OSBPL9: variants seen among roughly 807,000 people sequenced by gnomAD.
OSBPL9 encodes the protein oxysterol-binding protein-related protein 9.
OSBPL9 carries 40 observed loss-of-function variants against 106.6 expected under a neutral mutation model. The observed-to-expected ratio is 0.38, with a 90% CI of 0.29 to 0.49. OSBPL9 has a LOEUF of 0.49. Ranked by LOEUF, OSBPL9 falls within the 20% of genes least tolerant of loss-of-function variation. OSBPL9 has a pLI of 0.97. For synonymous variants in OSBPL9, 269 were observed against 295.4 expected, an observed-to-expected ratio of 0.91 and a Z score of 0.92; for missense variants, 609 against 887.2, an observed-to-expected ratio of 0.69 and a Z score of 3.98.
At chr1:51,695,753 A>T (rs1195501693) in intron 3 of OSBPL9, among the ~76,000 whole-genome samples, 1 of 152,234 alleles carries the variant, frequency 6.6e-6, no homozygotes, top group African/African-American at 2.4e-5. Context: ...CTAGAAAATA[A>T]GGATAATAAT....
Position 51,765,664 on chromosome 1 carries a change from G to T in OSBPL9, c.779-158G>T, listed in dbSNP as rs1043795756. 3.4e-5 allele frequency: 19 copies of T among 558,514 alleles called. No individual in the cohort carries two copies. The Admixed American group carries it at 6.9e-4, about 20-fold the overall frequency. 34.6% of individuals were successfully genotyped at this position (558,514 alleles called of 1,614,324 possible). A position where few individuals can be genotyped will look rare whatever the true frequency, so the allele number is the denominator to read the frequency against. ...TATATCATGATTTGCCATTTTCTGT[G>T]TGGAGTTTAAATGTTGATTTTCTTT... On this transcript the variant is annotated intron_variant, in intron 11 of 23. Transcript: ENST00000428468.
chr1:51,655,914 G>T (rs932628149), intron 2 of OSBPL9, among the ~76,000 whole-genome samples: 1 of 152,192 alleles, frequency 6.6e-6, no homozygotes, highest in Non-Finnish European at 1.5e-5. Context: ...GTGCACACAC[G>T]TGCATTTTAC....
In OSBPL9 at chr1:51,661,746, C is replaced by T. The variant is rs75408755; in HGVS notation, c.163-7688C>T. Among the ~76,000 whole-genome samples the T allele has an allele frequency of 4.8e-3, 731 of 152,196 alleles. 11 individuals are homozygous for T. Among genetic ancestry groups the T allele is most frequent in the Admixed American group, 0.026 (391 of 15,294 alleles). On this transcript the variant is annotated intron_variant, in intron 2 of 23. Transcript: ENST00000428468. ...GAACACCATTTCATATATAGATTAT[C>T]AAAGGGAGTTTTGCTTTACCAGATA...
intron 4 of OSBPL9, among the ~76,000 whole-genome samples, chr1:51,718,117 C>A (rs1661403603): frequency 6.6e-6 from 1 of 152,202 alleles, no homozygotes; most frequent in South Asian, 2.1e-4. Flanking sequence ...GCACAAACTT[C>A]ACATGTTCTC....
In OSBPL9 at chr1:51,729,808, G is replaced by C. The variant is rs549618477; in HGVS notation, c.319-15728G>C. The C allele has an allele frequency of 8.6e-5, 107 of 1,237,566 alleles. No individual in the cohort carries two copies. Among genetic ancestry groups the C allele is most frequent in the Non-Finnish European group, 9.1e-5 (89 of 983,338 alleles). 76.7% of individuals were successfully genotyped at this position (1,237,566 alleles called of 1,614,324 possible). A position where few individuals can be genotyped will look rare whatever the true frequency, so the allele number is the denominator to read the frequency against. On this transcript the variant is annotated intron_variant, in intron 4 of 23. Coordinates refer to ENST00000428468, the MANE Select transcript of OSBPL9 (RefSeq NM_024586.6). The surrounding 1 kb of genome is among the most constrained non-coding windows in gnomAD (Gnocchi z 5.1). The stretch of plus-strand genomic sequence containing the variant: ...GCCGGGGAGGGGACGGGAAAGGGGT[G>C]GGGGGTGAAGGGGGTGAAGGGGGTG...
chr1:51,568,753 G>A, the OSBPL9 span, among the ~76,000 whole-genome samples: 5 of 151,888 alleles, frequency 3.3e-5, no homozygotes, highest in African/African-American at 1.2e-4. Flanking sequence ...TTCTCGAGAC[G>A]GAGTCTTGCT....
chr1:51,648,127 T>G (rs1646285904), intron 1 of OSBPL9, among the ~76,000 whole-genome samples: 1 of 152,176 alleles, frequency 6.6e-6, no homozygotes, highest in African/African-American at 2.4e-5. Context: ...AAAAGGACAT[T>G]TGTTAGCAGG....
chr1:51,704,062 A>G (rs1657897887), intron 3 of OSBPL9, among the ~76,000 whole-genome samples: 1 of 152,214 alleles, frequency 6.6e-6, no homozygotes, highest in South Asian at 2.1e-4. Flanking sequence ...GGATTTTTGC[A>G]TGGATGTTCA....
Position 51,653,095 on chromosome 1 carries a change from G to A in OSBPL9, c.162+1054G>A, listed in dbSNP as rs190513329. Among the ~76,000 whole-genome samples the A allele has an allele frequency of 1.3e-3, 202 of 152,262 alleles. 1 individual carries two copies. Among genetic ancestry groups the A allele is most frequent in the African/African-American group, 4.4e-3 (181 of 41,550 alleles). ...AATCCTGGCACTGAGATAGGAGTAGGTATGGGAGATTTGCAGGATGGAAAT... is the reference window on the plus strand; with the variant it reads ...AATCCTGGCACTGAGATAGGAGTAGATATGGGAGATTTGCAGGATGGAAAT... On this transcript the variant is annotated intron_variant, in intron 2 of 23. Transcript: ENST00000428468.
chr1:51,749,073 G>A (rs1020837518), intron 7 of OSBPL9, among the ~76,000 whole-genome samples: 3 of 150,412 alleles, frequency 2.0e-5, no homozygotes, highest in Non-Finnish European at 3.0e-5. Context: ...CAACAAGAGC[G>A]AAACTGTGTC....
At chr1:51,757,883 G>T (rs750603025) in intron 9 of OSBPL9, among the ~76,000 whole-genome samples, 4 of 152,090 alleles carry the variant, frequency 2.6e-5, no homozygotes, top group Non-Finnish European at 5.9e-5. Flanking sequence ...CAGAACAAGC[G>T]CATAGTATTC....
intron 2 of OSBPL9, among the ~76,000 whole-genome samples, chr1:51,666,820 T>C (rs1187135996): frequency 6.6e-6 from 1 of 152,196 alleles, no homozygotes; most frequent in Non-Finnish European, 1.5e-5. Context: ...ACTTTATCTG[T>C]TAGTTCATAG....
At chr1:51,704,905 A>G (rs1234578931) in intron 3 of OSBPL9, among the ~76,000 whole-genome samples, 1 of 152,204 alleles carries the variant, frequency 6.6e-6, no homozygotes, top group African/African-American at 2.4e-5. Flanking sequence ...AATATATGCA[A>G]AAAGATATAT....
chr1:51,693,318 G>A (rs1368353831), intron 3 of OSBPL9, among the ~76,000 whole-genome samples: 1 of 151,644 alleles, frequency 6.6e-6, no homozygotes, highest in Non-Finnish European at 1.5e-5. Context: ...GCTGCTGCGA[G>A]CCATGTTAGT....
intron 1 of OSBPL9, among the ~76,000 whole-genome samples, chr1:51,622,320 T>G (rs80190119): frequency 0.012 from 1,813 of 152,316 alleles, 38 homozygotes; most frequent in African/African-American, 0.042. Context: ...GGGCTGCAGA[T>G]AAATATTAGT....
intron 15 of OSBPL9, 57 bp from the exon 16 acceptor site, chr1:51,781,107 A>C: frequency 6.4e-7 from 1 of 1,552,752 alleles, no homozygotes; most frequent in Non-Finnish European, 8.8e-7. Flanking sequence ...GGGTTGTTGC[A>C]TCATCTTGTC....
At chr1:51,602,254 C>T (rs1218151200) in intron 2 of OSBPL9, among the ~76,000 whole-genome samples, 2 of 151,396 alleles carry the variant, frequency 1.3e-5, no homozygotes, top group Non-Finnish European at 2.9e-5. Context: ...GTGATCCGCC[C>T]GCCGCGGCCT....
intron 1 of OSBPL9, 21 bp downstream of exon 1, chr1:51,617,242 G>A: frequency 6.3e-7 from 1 of 1,581,998 alleles, no homozygotes; most frequent in Non-Finnish European, 8.6e-7. Context: ...GGAGGGCACA[G>A]CTCCAGGCGC....
Position 51,777,634 on chromosome 1 carries a change from AT to A in OSBPL9, c.1256+726del, listed in dbSNP as rs34186845. ...CATTGGCTGACATTGATAAATATAT[AT>A]TTTTTTTTTCTTGATGAAGATTTAA... On this transcript the variant is annotated intron_variant, in intron 15 of 23. Coordinates refer to ENST00000428468, the MANE Select transcript of OSBPL9 (RefSeq NM_024586.6). Among the ~76,000 whole-genome samples, 1,334 of 149,982 alleles carry A rather than the reference AT, an allele frequency of 8.9e-3. 23 individuals carry two copies. The highest frequency in any genetic ancestry group is 0.031 in the African/African-American group (1,276 of 40,676).
Sources: allele counts gnomAD v4.1 joint callset (sites outside exome capture counted in the v4.1 genomes callset), GRCh38; gene constraint gnomAD v4.1.1; non-coding constraint Gnocchi (gnomAD v3.1); transcripts MANE v1.5; gene names NCBI Gene and HGNC (gene_info 2026-07-23, HGNC 2026-07-21).